The following GPM6A variants were observed in gnomAD, a reference collection of about 807,000 sequenced individuals.
GPM6A encodes glycoprotein M6A.
Under a neutral mutation model 32.1 loss-of-function variants are expected in GPM6A, and 7 were observed. The observed-to-expected ratio is 0.22, with a 90% CI of 0.12 to 0.41. The LOEUF is 0.41. GPM6A is among the 10% of genes least tolerant of loss of function. The pLI, the probability that GPM6A is intolerant of heterozygous loss-of-function variation, is 1.00. For synonymous variants in GPM6A, 130 were observed against 123.4 expected (o/e 1.05, Z -0.35); for missense variants, 235 against 347.2 (o/e 0.68, Z 2.57).
chr4:175,861,934 A>G (rs1370144304), intron 1 of GPM6A, among the ~76,000 whole-genome samples: 3 of 152,058 alleles, frequency 2.0e-5, no homozygotes, highest in Admixed American at 6.6e-5. Context: ...AATAAGATGA[A>G]AGTAGCATAT....
At chr4:175,805,849 C>T (rs1327200484) in intron 1 of GPM6A, 1 of 151,932 alleles carries the variant, frequency 6.6e-6, no homozygotes, top group East Asian at 1.9e-4. Context: ...CATCTTTGAC[C>T]AAAGTTATAT....
At chr4:175,936,914 T>C (rs1459890705) in intron 1 of GPM6A, among the ~76,000 whole-genome samples, 2 of 151,982 alleles carry the variant, frequency 1.3e-5, no homozygotes, top group African/African-American at 4.8e-5. Flanking sequence ...AAAATAAAAA[T>C]GTCCAGTAAT....
intron 1 of GPM6A, among the ~76,000 whole-genome samples, chr4:175,967,775 A>G (rs1168214830): frequency 1.3e-5 from 2 of 152,212 alleles, no homozygotes; most frequent in Non-Finnish European, 2.9e-5. Context: ...GACAAGATCT[A>G]CATAAATGGA....
At chr4:175,795,221 G>T (rs1462635276) in intron 1 of GPM6A, among the ~76,000 whole-genome samples, 1 of 152,162 alleles carries the variant, frequency 6.6e-6, no homozygotes, top group Non-Finnish European at 1.5e-5. Flanking sequence ...AACCAAGGAT[G>T]TAGAGTTGAT....
At chr4:175,933,616 C>G (rs1449012649) in intron 1 of GPM6A, among the ~76,000 whole-genome samples, 1 of 152,078 alleles carries the variant, frequency 6.6e-6, no homozygotes, top group Non-Finnish European at 1.5e-5. Flanking sequence ...GATCTTGGCT[C>G]ACTGCAAGCT....
At chr4:175,763,184 T>C (rs1195161159) in intron 1 of GPM6A, among the ~76,000 whole-genome samples, 1 of 152,244 alleles carries the variant, frequency 6.6e-6, no homozygotes, top group Non-Finnish European at 1.5e-5. Flanking sequence ...TTTCAGATTT[T>C]TATATTTTTA....
intron 2 of GPM6A, among the ~76,000 whole-genome samples, chr4:175,678,438 A>G (rs1743498408): frequency 6.6e-6 from 1 of 152,126 alleles, no homozygotes; most frequent in African/African-American, 2.4e-5. Context: ...TCCTGTGATT[A>G]TATACAAGAG....
chr4:175,870,818 T>A lies in GPM6A; in HGVS notation c.-22-58569A>T, dbSNP rs181817711. Among the ~76,000 whole-genome samples, 61 of 152,216 alleles carry A rather than the reference T, an allele frequency of 4.0e-4. 2 individuals carry two copies. The highest frequency in any genetic ancestry group is 1.3e-3 in the African/African-American group (56 of 41,530). On this transcript the variant is annotated intron_variant, in intron 1 of 7. Transcript: ENST00000280187. ...CTAGCTTTAATCCTGAACAACTACT[T>A]TGGTCTTTCAAAGCCTCGAAGTCCT...
intron 1 of GPM6A, chr4:175,962,358 T>C: frequency 1.3e-6 from 1 of 784,266 alleles, no homozygotes; most frequent in Non-Finnish European, 2.3e-6. Flanking sequence ...GACTCCTTCA[T>C]CTAGCTCCCT....
At chr4:175,778,150 C>A (rs1328141151) in intron 1 of GPM6A, among the ~76,000 whole-genome samples, 2 of 152,100 alleles carry the variant, frequency 1.3e-5, no homozygotes, top group Admixed American at 1.3e-4. Flanking sequence ...TTGGGCCCAC[C>A]AGAATTCTGT....
At chr4:175,924,252 C>G (rs904075976) in intron 1 of GPM6A, among the ~76,000 whole-genome samples, 1 of 152,128 alleles carries the variant, frequency 6.6e-6, no homozygotes, top group Non-Finnish European at 1.5e-5. Context: ...TTACTCAAAT[C>G]ACCTTACAGA....
At position 175,967,948 on chromosome 4, in the gene GPM6A, A is replaced by C. The variant is rs143591416; in HGVS notation, c.-23+34361T>G. Among the ~76,000 whole-genome samples, 111 of 152,340 alleles carry C rather than the reference A, an allele frequency of 7.3e-4. No individual in the cohort carries two copies. In the East Asian group the frequency reaches 0.015, roughly 20 times the overall value. On this transcript the variant is annotated intron_variant, in intron 1 of 7. Transcript: ENST00000280187. ...TTTTATATGGAAAGAAACAGAAAAA[A>C]TACAACATCAACAGCACGATGTTGA...
At chr4:175,865,080 G>T (rs1044767447) in intron 1 of GPM6A, among the ~76,000 whole-genome samples, 4 of 152,120 alleles carry the variant, frequency 2.6e-5, no homozygotes, top group Admixed American at 2.6e-4. Flanking sequence ...CAAAGTGCTG[G>T]GATTACAGGC....
intron 1 of GPM6A, among the ~76,000 whole-genome samples, chr4:175,936,102 G>A (rs538224638): frequency 8.6e-5 from 13 of 151,370 alleles, no homozygotes; most frequent in African/African-American, 2.9e-4. Context: ...TCAGGTGATC[G>A]AGACCATCCT....
In GPM6A at chr4:175,634,428, A is replaced by T. The variant is rs75891348; in HGVS notation, c.*477T>A. ...AATTTCCATATTTCAAGAGTCATCAAGATGTAATCTCTATCTATTGTTCAT... is the reference window on the plus strand; with the variant it reads ...AATTTCCATATTTCAAGAGTCATCATGATGTAATCTCTATCTATTGTTCAT... On this transcript the variant is annotated 3_prime_UTR_variant, in exon 7 of 7. Transcript: ENST00000393658. 0.042 allele frequency: 6,444 copies of T among 153,008 alleles called. 175 individuals carry two copies. The highest frequency in any genetic ancestry group is 0.072 in the Admixed American group (1,107 of 15,290). The allele number at this position is 153,008 out of a possible 1,614,324, so 9.5% of individuals were successfully genotyped here.
chr4:175,717,717 G>A (rs1745911544), intron 1 of GPM6A, among the ~76,000 whole-genome samples: 1 of 152,162 alleles, frequency 6.6e-6, no homozygotes, highest in Admixed American at 6.5e-5. Context: ...TGCTGCATTA[G>A]ACAAAAATAT....
intron 1 of GPM6A, among the ~76,000 whole-genome samples, chr4:175,946,504 C>G (rs983473224): frequency 6.6e-6 from 1 of 152,004 alleles, no homozygotes; most frequent in African/African-American, 2.4e-5. Flanking sequence ...GGTAAGAGTT[C>G]TGGAGTGAAT....
chr4:175,975,928 A>AT (rs1430639100), intron 1 of GPM6A, among the ~76,000 whole-genome samples: 16 of 152,022 alleles, frequency 1.1e-4, no homozygotes, highest in Admixed American at 6.5e-4. Flanking sequence ...AAAAGATAAG[A>AT]TTTTTCTTTC....
intron 1 of GPM6A, among the ~76,000 whole-genome samples, chr4:175,717,684 T>C (rs1257626891): frequency 6.6e-6 from 1 of 152,162 alleles, no homozygotes; most frequent in Non-Finnish European, 1.5e-5. Flanking sequence ...ATAAGATTGG[T>C]CCTCTAGGAA....
Sources: gnomAD v4.1 joint callset for allele counts (sites outside exome capture counted in the v4.1 genomes callset) on GRCh38, gnomAD v4.1.1 for gene constraint, MANE v1.5 for transcripts, NCBI Gene and HGNC (gene_info 2026-07-23, HGNC 2026-07-21) for gene names.